The following PCDH1 variants were observed in gnomAD, a reference collection of about 807,000 sequenced individuals.
PCDH1 encodes the protein protocadherin 1, also known as protocadherin-1.
PCDH1 carries 23 observed loss-of-function variants against 74.6 expected under a neutral mutation model. The ratio of observed to expected loss-of-function variants is 0.31; its 90% CI spans 0.22 to 0.44. The LOEUF (loss-of-function observed/expected upper bound fraction) is 0.44. Ranked by LOEUF, PCDH1 falls within the 20% of genes least tolerant of loss-of-function variation. The probability of loss-of-function intolerance (pLI) is 1.00; values close to 1 mark genes in which losing one functional copy is unlikely to be tolerated. For missense variants in PCDH1, 1,214 were observed against 1,641.4 expected, an observed-to-expected ratio of 0.74 and a Z score of 4.50; for synonymous variants, 647 against 686.1, an observed-to-expected ratio of 0.94 and a Z score of 0.89.
chr5:141,860,028 A>G (rs1383610946), intron 3 of PCDH1, among the ~76,000 whole-genome samples: 4 of 152,032 alleles, frequency 2.6e-5, no homozygotes, highest in Non-Finnish European at 5.9e-5. Context: ...CTTCTGCCGC[A>G]GGAGTTTGCT....
intron 3 of PCDH1, among the ~76,000 whole-genome samples, chr5:141,858,313 C>G (rs1166692631): frequency 6.6e-6 from 1 of 152,206 alleles, no homozygotes; most frequent in Non-Finnish European, 1.5e-5. Flanking sequence ...TGGAAACTCC[C>G]CAGTCCTCCC....
At chr5:141,859,392 CCTCT>C (rs1302395748) in intron 3 of PCDH1, among the ~76,000 whole-genome samples, 9 of 152,114 alleles carry the variant, frequency 5.9e-5, no homozygotes, top group Non-Finnish European at 1.3e-4. Flanking sequence ...CTTAATGTTC[CCTCT>C]AATTTTATGA....
In PCDH1 at chr5:141,863,585, T is replaced by A. The variant is rs771282653; in HGVS notation, c.2746A>T (p.Ser916Cys). ...GGCTTCACGGGCTTTGGGGACTTGCTCTTCTTGCCTTTGCTTTTGTTTCCC... is the reference window on the plus strand; with the variant it reads ...GGCTTCACGGGCTTTGGGGACTTGCACTTCTTGCCTTTGCTTTTGTTTCCC... ...SKGNKSKGKK[S>C]KSPKPVKPVE... is the part of the protein sequence containing the mutation. Residue 916 changes from serine to cysteine, a missense_variant, in exon 3 of 5, where the codon AGC (serine) becomes TGC (cysteine). Around this residue, in one of 4 missense-constraint regions of PCDH1, gnomAD observed 836 missense variants for 1,182.2 expected, o/e 0.71. Transcript: ENST00000287008. This position sits in a 1 kb window ranked among gnomAD's most constrained non-coding sequence, Gnocchi z 7.5. The A allele has an allele frequency of 6.2e-7, 1 of 1,614,168 alleles. No homozygotes were observed. Among genetic ancestry groups the A allele is most frequent in the Non-Finnish European group, 8.5e-7 (1 of 1,180,024 alleles).
At position 141,853,655 on chromosome 5, in the gene PCDH1, A is replaced by C; in HGVS notation, c.*387T>G. On this transcript the variant is annotated 3_prime_UTR_variant, in exon 5 of 5. Transcript: ENST00000287008. Reference sequence around the variant, plus strand: ...CTTCAGGGCTAAAATTGGGCATGCTATCCCCGCCCTGGTCGGCCATGAGGG... The same window carrying C: ...CTTCAGGGCTAAAATTGGGCATGCTCTCCCCGCCCTGGTCGGCCATGAGGG... The C allele has an allele frequency of 6.0e-6, 1 of 167,792 alleles. No homozygotes were observed. Among genetic ancestry groups the C allele is most frequent in the Non-Finnish European group, 1.3e-5 (1 of 78,564 alleles). 10.4% of individuals were successfully genotyped at this position (167,792 alleles called of 1,614,324 possible).
At chr5:141,858,192 C>G (rs1392634189) in intron 3 of PCDH1, among the ~76,000 whole-genome samples, 1 of 152,170 alleles carries the variant, frequency 6.6e-6, no homozygotes, top group Non-Finnish European at 1.5e-5. Flanking sequence ...CCCTCCCACT[C>G]AGCCCCCCAT....
Position 141,865,159 on chromosome 5 carries a change from C to G in PCDH1, c.1172G>C (p.Gly391Ala). 1 of 1,614,164 alleles carries G rather than the reference C, an allele frequency of 6.2e-7. No individual in the cohort carries two copies. Reference sequence around the variant, plus strand: ...ATCTTGATGAGTCACTAGCCCTATGCCCCGGATCTCAATGGTGGGGGCATT... The same window carrying G: ...ATCTTGATGAGTCACTAGCCCTATGGCCCGGATCTCAATGGTGGGGGCATT... ...NDNAPTIEIR[G>A]IGLVTHQDGM... is the part of the protein sequence containing the mutation. The change falls in exon 3 of 5, where the codon GGC becomes GCC. Residue 391 changes from glycine (G) to alanine (A), a missense_variant. By Grantham distance (60) the Gly-to-Ala change is moderately conservative. Around this residue, in one of 4 missense-constraint regions of PCDH1, gnomAD observed 836 missense variants for 1,182.2 expected, o/e 0.71. Transcript: ENST00000287008. The surrounding 1 kb of genome is among the most constrained non-coding windows in gnomAD (Gnocchi z 4.4).
chr5:141,856,415 A>G (rs1752341266), intron 4 of PCDH1, among the ~76,000 whole-genome samples: 1 of 151,648 alleles, frequency 6.6e-6, no homozygotes, highest in Non-Finnish European at 1.5e-5. Context: ...GGGGAGTGAA[A>G]CCTCCCATCT....
chr5:141,855,322 A>G (rs1002687330), intron 4 of PCDH1, among the ~76,000 whole-genome samples: 7 of 151,920 alleles, frequency 4.6e-5, no homozygotes, highest in African/African-American at 1.7e-4. Context: ...CTCTTCTTAC[A>G]CACCCACCAA....
In PCDH1 at chr5:141,868,481, C is replaced by T. The variant is rs754386462; in HGVS notation, c.903+88G>A. On this transcript the variant is annotated intron_variant, in intron 2 of 4. Coordinates refer to ENST00000287008, the MANE Select transcript of PCDH1 (RefSeq NM_032420.5). This position sits in a 1 kb window ranked among gnomAD's most constrained non-coding sequence, Gnocchi z 4.8. ...CTACAGTATTCTGGCAGTTTTTCCC[C>T]TAAGTGAAGGGAACTCTCACCTGGT... is the stretch of plus-strand genomic sequence containing the variant. The T allele has an allele frequency of 1.3e-6, 2 of 1,501,636 alleles. No homozygotes were observed. The highest frequency in any genetic ancestry group is 1.8e-6 in the Non-Finnish European group (2 of 1,128,042). 93.0% of individuals were successfully genotyped at this position (1,501,636 alleles called of 1,614,324 possible).
At position 141,863,996 on chromosome 5, in the gene PCDH1, C is replaced by T. The variant is rs1372862367; in HGVS notation, c.2335G>A (p.Glu779Lys). The part of the protein sequence containing the change: ...SHSGAITLEK[E>K]IERRHHGLHR... ...AGCCCATGGTGGCGCCGCTCAATCT[C>T]CTTCTCCAGGGTGATGGCACCTGAA... Residue 779 changes from glutamate (E) to lysine (K), a missense_variant, in exon 3 of 5, where the codon GAG becomes AAG. By Grantham distance (56) the Glu-to-Lys change is moderately conservative. This residue lies in a region of PCDH1 where 836 missense variants were observed against 1,182.2 expected (regional missense o/e 0.71). Transcript: ENST00000287008. This position sits in a 1 kb window ranked among gnomAD's most constrained non-coding sequence, Gnocchi z 7.5. The T allele has an allele frequency of 1.2e-6, 2 of 1,613,888 alleles. No individual in the cohort carries two copies. The highest frequency in any genetic ancestry group is 2.2e-5 in the South Asian group (2 of 91,080).
At chr5:141,856,662 T>A (rs1489521615) in intron 4 of PCDH1, among the ~76,000 whole-genome samples, 1 of 149,776 alleles carries the variant, frequency 6.7e-6, no homozygotes, top group Non-Finnish European at 1.5e-5. Context: ...ACCCTCCAAA[T>A]CCCTCCCAGA....
chr5:141,868,499 C>T lies in PCDH1; in HGVS notation c.903+70G>A, dbSNP rs750601530. On this transcript the variant is annotated intron_variant, in intron 2 of 4. Coordinates refer to ENST00000287008, the MANE Select transcript of PCDH1 (RefSeq NM_032420.5). The surrounding 1 kb of genome is among the most constrained non-coding windows in gnomAD (Gnocchi z 4.8). Reference sequence around the variant, plus strand: ...TTTTCCCCTAAGTGAAGGGAACTCTCACCTGGTTGGGTGGGCTCCCATTTC... The same window carrying T: ...TTTTCCCCTAAGTGAAGGGAACTCTTACCTGGTTGGGTGGGCTCCCATTTC... 9.9e-6 allele frequency: 15 copies of T among 1,509,560 alleles called. No individual in the cohort carries two copies. The highest frequency in any genetic ancestry group is 1.4e-5 in the African/African-American group (1 of 71,552). The allele number at this position is 1,509,560 out of a possible 1,614,324, so 93.5% of individuals were successfully genotyped here.
chr5:141,867,822 G>A lies in PCDH1; in HGVS notation c.903+747C>T, dbSNP rs180678965. ...AGGAGGCCAGAGCTGAGATGACAGC[G>A]GGAGATACACCCACCTGTCTGCAGA... On this transcript the variant is annotated intron_variant, in intron 2 of 4. Transcript: ENST00000287008. Among the ~76,000 whole-genome samples, 209 of 152,320 alleles carry A rather than the reference G, an allele frequency of 1.4e-3. 2 individuals are homozygous for A. Among genetic ancestry groups the A allele is most frequent in the African/African-American group, 4.3e-3 (179 of 41,576 alleles).
At position 141,853,813 on chromosome 5, in the gene PCDH1, G is replaced by A. The variant is rs1752211816; in HGVS notation, c.*229C>T. On this transcript the variant is annotated 3_prime_UTR_variant, in exon 5 of 5. Transcript: ENST00000287008. ...CCCTCTTGGGCATCAGATGGGGGAA[G>A]CCCCATAAAGGGGAAGGGGCCCCTG... 7.4e-6 allele frequency: 3 copies of A among 408,058 alleles called. No homozygotes were observed. Among genetic ancestry groups the A allele is most frequent in the East Asian group, 3.5e-5 (1 of 28,680 alleles). 25.3% of individuals were successfully genotyped at this position (408,058 alleles called of 1,614,324 possible). A position where few individuals can be genotyped will look rare whatever the true frequency, so the allele number is the denominator to read the frequency against.
intron 1 of PCDH1, among the ~76,000 whole-genome samples, chr5:141,876,089 G>A (rs758525803): frequency 6.6e-6 from 1 of 152,218 alleles, no homozygotes; most frequent in Non-Finnish European, 1.5e-5. Context: ...CCAGCGCGCG[G>A]AGCGACTCCT....
At position 141,857,458 on chromosome 5, in the gene PCDH1, C is replaced by T. The variant is rs759474708; in HGVS notation, c.3113G>A (p.Arg1038His). 9.3e-6 allele frequency: 15 copies of T among 1,613,534 alleles called. No individual in the cohort carries two copies. The highest frequency in any genetic ancestry group is 1.3e-5 in the African/African-American group (1 of 74,990). Residue 1038 changes from arginine to histidine, a missense_variant, in exon 4 of 5, where the codon CGC becomes CAC. Physicochemically the swap from Arg to His is conservative, Grantham distance 29. Coordinates refer to ENST00000287008, the MANE Select transcript of PCDH1 (RefSeq NM_032420.5). ...KYPSKQLPHR[R>H]VTFSATSQAQ... Reference sequence around the variant, plus strand: ...CTGGCTGGTGGCCGAGAAGGTGACGCGGCGGTGAGGTAACTGCAGGGAGAC... The same window carrying T: ...CTGGCTGGTGGCCGAGAAGGTGACGTGGCGGTGAGGTAACTGCAGGGAGAC...
intron 3 of PCDH1, among the ~76,000 whole-genome samples, chr5:141,861,634 G>GC (rs998031037): frequency 1.3e-5 from 2 of 152,108 alleles, no homozygotes; most frequent in Admixed American, 6.5e-5. Flanking sequence ...TACTTTGGGG[G>GC]CCCCCCAGGG....
At position 141,865,562 on chromosome 5, in the gene PCDH1, C is replaced by T; in HGVS notation, c.904-135G>A. On this transcript the variant is annotated intron_variant, in intron 2 of 4. Transcript: ENST00000287008. The surrounding 1 kb of genome is among the most constrained non-coding windows in gnomAD (Gnocchi z 4.4). ...CAGCCAATCCAACATCGCTCCCTTT[C>T]CAGAAGCCATGTGTGTCCTGCCTTT... 7.9e-6 allele frequency: 8 copies of T among 1,016,424 alleles called. No homozygotes were observed. Among genetic ancestry groups the T allele is most frequent in the Non-Finnish European group, 1.2e-5 (8 of 688,758 alleles). The allele number at this position is 1,016,424 out of a possible 1,614,324, so 63.0% of individuals were successfully genotyped here. A position where few individuals can be genotyped will look rare whatever the true frequency, so the allele number is the denominator to read the frequency against.
chr5:141,874,476 G>A (rs1051419994), intron 1 of PCDH1, among the ~76,000 whole-genome samples: 11 of 152,248 alleles, frequency 7.2e-5, no homozygotes, highest in African/African-American at 2.7e-4. Context: ...GCCAGAGCCT[G>A]AGGGGGAACA....
Sources: allele counts gnomAD v4.1 joint callset (sites outside exome capture counted in the v4.1 genomes callset), GRCh38; gene constraint gnomAD v4.1.1; regional missense constraint gnomAD v4.1.1; non-coding constraint Gnocchi (gnomAD v3.1); transcripts MANE v1.5; gene names NCBI Gene and HGNC (gene_info 2026-07-23, HGNC 2026-07-21).